The following TNFRSF8 variants were observed in gnomAD, a reference collection of about 807,000 sequenced individuals.
TNFRSF8 encodes tumor necrosis factor receptor superfamily member 8.
Under a neutral mutation model 70.8 loss-of-function variants are expected in TNFRSF8, and 26 were observed. The observed-to-expected ratio is 0.37, with a 90% CI of 0.27 to 0.51. The LOEUF is 0.51. Ranked by LOEUF, TNFRSF8 falls within the 20% of genes least tolerant of loss-of-function variation. The pLI is 0.94. For missense variants in TNFRSF8, 720 were observed against 807.9 expected (o/e 0.89, Z 1.32); for synonymous variants, 356 against 339.2 (o/e 1.05, Z -0.54).
chr1:12,122,654 T>G (rs1641850612), intron 8 of TNFRSF8, among the ~76,000 whole-genome samples: 1 of 151,620 alleles, frequency 6.6e-6, no homozygotes, highest in Non-Finnish European at 1.5e-5. Context: ...CTCAAAAAAT[T>G]AAACATAAAT....
At chr1:12,115,437 C>T (rs765438921) in intron 7 of TNFRSF8, 140 bp from the exon 8 acceptor site, 32 of 949,164 alleles carry the variant, frequency 3.4e-5, no homozygotes, top group African/African-American at 4.9e-5. Flanking sequence ...GAGAGCTGCT[C>T]AACGGCATAG....
chr1:12,105,539 TCTC>T (rs1641505044), intron 4 of TNFRSF8, among the ~76,000 whole-genome samples: 1 of 141,358 alleles, frequency 7.1e-6, no homozygotes, highest in Non-Finnish European at 1.5e-5. Context: ...TCTCTCTCTC[TCTC>T]TCTCTCTCAC....
intron 1 of TNFRSF8, chr1:12,080,238 C>G: frequency 1.9e-6 from 1 of 517,010 alleles, no homozygotes; most frequent in Non-Finnish European, 3.8e-6. Context: ...CATGAGCCAC[C>G]GTGCCCAGCC....
At chr1:12,084,696 C>A (rs920265470) in intron 2 of TNFRSF8, 145 bp downstream of exon 2, 2 of 764,800 alleles carry the variant, frequency 2.6e-6, no homozygotes, top group Non-Finnish European at 4.3e-6. Flanking sequence ...TTCCTAGTGT[C>A]GCGGAGTCCA....
At chr1:12,085,289 T>C (rs1390237041) in intron 2 of TNFRSF8, among the ~76,000 whole-genome samples, 2 of 152,110 alleles carry the variant, frequency 1.3e-5, no homozygotes, top group African/African-American at 2.4e-5. Context: ...TTTGTATTTT[T>C]AGTAGAGACA....
At chr1:12,115,966 A>G (rs1280972009) in intron 8 of TNFRSF8, among the ~76,000 whole-genome samples, 2 of 152,098 alleles carry the variant, frequency 1.3e-5, no homozygotes, top group African/African-American at 4.8e-5. Context: ...ATTCTTCCTG[A>G]AATTATTGGG....
At chr1:12,084,858 C>T (rs1216862596) in intron 2 of TNFRSF8, among the ~76,000 whole-genome samples, 1 of 152,168 alleles carries the variant, frequency 6.6e-6, no homozygotes, top group Non-Finnish European at 1.5e-5. Flanking sequence ...ATATGCACGG[C>T]ATCATCTCAT....
chr1:12,088,557 C>T lies in TNFRSF8; in HGVS notation c.151+4006C>T, dbSNP rs1162873323. 6.6e-6 allele frequency among the ~76,000 whole-genome samples: 1 copy of T among 152,196 alleles called. No individual in the cohort carries two copies. The highest frequency in any genetic ancestry group is 1.5e-5 in the Non-Finnish European group (1 of 68,034). ...AAGAGCTAATGCGGGGGCTACAAAG[C>T]CCTTCCTGTTCTCCATCTTCCTGGA... On this transcript the variant is annotated intron_variant, in intron 2 of 14. Transcript: ENST00000263932. This position sits in a 1 kb window ranked among gnomAD's most constrained non-coding sequence, Gnocchi z 4.0.
At chr1:12,137,530 T>C (rs1049063655) in intron 13 of TNFRSF8, among the ~76,000 whole-genome samples, 1 of 149,288 alleles carries the variant, frequency 6.7e-6, no homozygotes, top group Non-Finnish European at 1.5e-5. Flanking sequence ...ACTTTCCTCA[T>C]GACATAGCTG....
chr1:12,116,714 C>T (rs982759714), intron 8 of TNFRSF8, among the ~76,000 whole-genome samples: 12 of 152,166 alleles, frequency 7.9e-5, no homozygotes, highest in East Asian at 3.9e-4. Flanking sequence ...GCAGGAGAAT[C>T]GCTTGAACCC....
At chr1:12,118,141 C>CTTTTTTTCTTTTTGAGACAAA (rs1557597510) in intron 8 of TNFRSF8, among the ~76,000 whole-genome samples, 9 of 140,582 alleles carry the variant, frequency 6.4e-5, no homozygotes, top group Non-Finnish European at 1.2e-4. Context: ...GACAAAGTCT[C>CTTTTTTTCTTTTTGAGACAAA]GCTCTGTTGC....
intron 3 of TNFRSF8, among the ~76,000 whole-genome samples, chr1:12,099,452 T>C (rs1246035545): frequency 6.6e-6 from 1 of 152,030 alleles, no homozygotes; most frequent in Non-Finnish European, 1.5e-5. Flanking sequence ...GCCCAATTTC[T>C]TATCTTTAAA....
chr1:12,082,919 C>T (rs757269244), intron 1 of TNFRSF8, among the ~76,000 whole-genome samples: 11 of 151,830 alleles, frequency 7.2e-5, no homozygotes, highest in African/African-American at 2.4e-4. Flanking sequence ...CAACAAAAGC[C>T]GTGTATCTAG....
At chr1:12,117,876 G>A (rs1386233202) in intron 8 of TNFRSF8, among the ~76,000 whole-genome samples, 1 of 150,288 alleles carries the variant, frequency 6.7e-6, no homozygotes, top group Non-Finnish European at 1.5e-5. Context: ...AGTCTCTGTT[G>A]CCTTTTATTC....
At chr1:12,105,975 C>T (rs1641517038) in intron 4 of TNFRSF8, among the ~76,000 whole-genome samples, 1 of 151,552 alleles carries the variant, frequency 6.6e-6, no homozygotes, top group South Asian at 2.1e-4. Flanking sequence ...TCCAGGGACT[C>T]ACCACGGTGT....
At chr1:12,135,503 G>GGAGGACCAT (rs1345172567) in intron 12 of TNFRSF8, 85 bp from the exon 13 acceptor site, 8 of 1,567,340 alleles carry the variant, frequency 5.1e-6, no homozygotes, top group Non-Finnish European at 6.1e-6. Flanking sequence ...CTGTGATCCA[G>GGAGGACCAT]GAGGACCATT....
chr1:12,101,582 A>C (rs1641423726), intron 3 of TNFRSF8, among the ~76,000 whole-genome samples: 1 of 152,234 alleles, frequency 6.6e-6, no homozygotes, highest in African/African-American at 2.4e-5. Context: ...GTTTATACCA[A>C]CATCTCCACA....
intron 12 of TNFRSF8, among the ~76,000 whole-genome samples, chr1:12,128,765 A>G (rs1271950034): frequency 6.6e-6 from 1 of 151,530 alleles, no homozygotes; most frequent in Non-Finnish European, 1.5e-5. Flanking sequence ...ACAACCAAAA[A>G]TGTCTCTAGA....
chr1:12,088,433 G>A lies in TNFRSF8; in HGVS notation c.151+3882G>A, dbSNP rs181266257. 7.8e-4 allele frequency among the ~76,000 whole-genome samples: 119 copies of A among 152,260 alleles called. No individual in the cohort carries two copies. Among genetic ancestry groups the A allele is most frequent in the Non-Finnish European group, 1.2e-3 (85 of 68,014 alleles). ...TGCGTATCAGTGGCTCAGCCGGGCCGTGAACATGACCACCGAGTGCAGTCT... is the reference window on the plus strand; with the variant it reads ...TGCGTATCAGTGGCTCAGCCGGGCCATGAACATGACCACCGAGTGCAGTCT... On this transcript the variant is annotated intron_variant, in intron 2 of 14. Transcript: ENST00000263932. This position sits in a 1 kb window ranked among gnomAD's most constrained non-coding sequence, Gnocchi z 4.0.
Sources: allele counts gnomAD v4.1 joint callset (sites outside exome capture counted in the v4.1 genomes callset), GRCh38; gene constraint gnomAD v4.1.1; non-coding constraint Gnocchi (gnomAD v3.1); transcripts MANE v1.5; gene names NCBI Gene and HGNC (gene_info 2026-07-23, HGNC 2026-07-21).